The following MTO1 variants were observed in gnomAD, a reference collection of about 807,000 sequenced individuals.
MTO1 encodes the protein mitochondrial tRNA translation optimization 1, also known as 5-taurinomethyluridine-[tRNA] synthase subunit MTO1, mitochondrial.
In MTO1, 46 loss-of-function variants were observed where a neutral mutation model predicts 71.6. The observed-to-expected ratio is 0.64, with a 90% CI of 0.51 to 0.82. The LOEUF is 0.82. Ranked by LOEUF, MTO1 falls within the 40% of genes least tolerant of loss-of-function variation. MTO1 has a pLI of 0.00. For synonymous variants in MTO1, 297 were observed against 312.1 expected (o/e 0.95, Z 0.51); for missense variants, 773 against 867.5 (o/e 0.89, Z 1.37).
chr6:73,469,164 C>A (rs555868205), intron 3 of MTO1, among the ~76,000 whole-genome samples: 1 of 152,130 alleles, frequency 6.6e-6, no homozygotes, highest in South Asian at 2.1e-4. Context: ...ACTACCACAC[C>A]CAGCTTATTT....
intron 10 of MTO1, among the ~76,000 whole-genome samples, chr6:73,492,972 G>GTGTGTGTGTA (rs1771861259): frequency 1.1e-5 from 1 of 93,712 alleles, no homozygotes; most frequent in Non-Finnish European, 2.3e-5. Context: ...TAATATATGT[G>GTGTGTGTGTA]TGTGTGTGTG....
At position 73,503,556 on chromosome 6, in the gene MTO1, G is replaced by A. The variant is rs1429193704; in HGVS notation, c.*2821G>A. 1 of 152,242 alleles carries A rather than the reference G, an allele frequency of 6.6e-6. No individual in the cohort carries two copies. The highest frequency in any genetic ancestry group is 1.9e-4 in the East Asian group (1 of 5,204). 9.4% of individuals were successfully genotyped at this position (152,242 alleles called of 1,614,324 possible). A position where few individuals can be genotyped will look rare whatever the true frequency, so the allele number is the denominator to read the frequency against. On this transcript the variant is annotated 3_prime_UTR_variant, in exon 12 of 12. Coordinates refer to ENST00000498286, the MANE Select transcript of MTO1 (RefSeq NM_012123.4). ...CCCTAGGAAGAAATCAGCTAAAAATGTAACCTTACTCAATGTAGTTACTTC... is the reference window on the plus strand; with the variant it reads ...CCCTAGGAAGAAATCAGCTAAAAATATAACCTTACTCAATGTAGTTACTTC...
At chr6:73,494,112 A>G (rs969326403) in intron 10 of MTO1, among the ~76,000 whole-genome samples, 8 of 151,960 alleles carry the variant, frequency 5.3e-5, no homozygotes, top group Non-Finnish European at 1.2e-4. Context: ...GCAGGCACCT[A>G]TAATCCCAGC....
rs369859062 is a variant in MTO1, at chr6:73,482,445, C to G, written c.1466-4C>G. On this transcript the variant is annotated splice_region_variant and splice_polypyrimidine_tract_variant and intron_variant, in intron 8 of 11. Transcript: ENST00000498286. ...TCATTATATTCTCTTTCTCCCTTCC[C>G]TAGGGTATAAAGACGCTGGCTGTGT... The G allele has an allele frequency of 1.9e-6, 3 of 1,606,948 alleles. No individual in the cohort carries two copies. In the African/African-American group the frequency reaches 4.0e-5, roughly 22 times the overall value.
intron 9 of MTO1, among the ~76,000 whole-genome samples, chr6:73,483,535 AGTT>A (rs1488210048): frequency 3.3e-5 from 5 of 152,034 alleles, no homozygotes; most frequent in Admixed American, 3.3e-4. Flanking sequence ...AACCAAGAAA[AGTT>A]GTTATCTGCT....
rs759983774 is a variant in MTO1 at position 73,500,623 on chromosome 6, A to G, written c.1967A>G (p.Asn656Ser). ...GGAGTAACACCTGCCGCCATCATCA[A>G]TCTGCTGAGATTTGTGAAGACCACT... is the stretch of plus-strand genomic sequence containing the variant. ...IPGVTPAAII[N>S]LLRFVKTTQR... Residue 656 changes from asparagine to serine, a missense_variant, in exon 12 of 12, where the codon AAT (asparagine) becomes AGT (serine). By Grantham distance (46) the Asn-to-Ser change is conservative. Transcript: ENST00000498286. The G allele has an allele frequency of 1.2e-5, 20 of 1,613,944 alleles. No homozygotes were observed. Among genetic ancestry groups the G allele is most frequent in the African/African-American group, 5.3e-5 (4 of 74,936 alleles).
chr6:73,466,735 A>C, intron 3 of MTO1, 129 bp downstream of exon 3: 3 of 710,544 alleles, frequency 4.2e-6, no homozygotes, highest in Non-Finnish European at 2.4e-6. Flanking sequence ...TACCTGGATG[A>C]GGAAAACTAT....
chr6:73,478,911 C>T (rs1306933549), intron 4 of MTO1, among the ~76,000 whole-genome samples: 4 of 139,988 alleles, frequency 2.9e-5, no homozygotes, highest in Admixed American at 7.5e-5. Context: ...TTTTTTGAGA[C>T]GGAATCTCGC....
chr6:73,498,881 C>T (rs1221081035), intron 11 of MTO1, among the ~76,000 whole-genome samples: 2 of 152,058 alleles, frequency 1.3e-5, no homozygotes, highest in Non-Finnish European at 1.5e-5. Flanking sequence ...CATGCCACCA[C>T]ACTCAGCTAA....
At chr6:73,477,589 C>T (rs1020124264) in intron 4 of MTO1, among the ~76,000 whole-genome samples, 3 of 150,834 alleles carry the variant, frequency 2.0e-5, no homozygotes, top group African/African-American at 7.3e-5. Context: ...TCACTGTAAC[C>T]TCCGCCTCCC....
intron 3 of MTO1, among the ~76,000 whole-genome samples, chr6:73,469,576 C>T (rs1465922888): frequency 6.6e-6 from 1 of 151,704 alleles, no homozygotes; most frequent in Non-Finnish European, 1.5e-5. Flanking sequence ...GAGCCGAGAT[C>T]GTGCCACTGC....
intron 9 of MTO1, among the ~76,000 whole-genome samples, chr6:73,483,035 G>C (rs935743665): frequency 9.2e-5 from 14 of 151,708 alleles, no homozygotes; most frequent in Non-Finnish European, 2.1e-4. Context: ...CTCGTGATCC[G>C]CCCGCCTCGG....
intron 4 of MTO1, 135 bp from the exon 5 acceptor site, chr6:73,479,597 T>TTCA: frequency 1.7e-6 from 1 of 597,618 alleles, no homozygotes; most frequent in Non-Finnish European, 2.8e-6. Context: ...GCAAGAATAC[T>TTCA]TCATAAGTAA....
At chr6:73,493,102 C>G (rs1771868383) in intron 10 of MTO1, among the ~76,000 whole-genome samples, 1 of 148,844 alleles carries the variant, frequency 6.7e-6, no homozygotes, top group African/African-American at 2.5e-5. Flanking sequence ...TCAAGTGATT[C>G]TCCTGCCTCA....
intron 11 of MTO1, among the ~76,000 whole-genome samples, chr6:73,498,903 A>G (rs2150045543): frequency 6.6e-6 from 1 of 151,596 alleles, no homozygotes; most frequent in East Asian, 2.0e-4. Context: ...TTTTTTTTGT[A>G]CTTTTAGCAG....
At chr6:73,491,930 G>A (rs982596098) in intron 9 of MTO1, 5 of 225,710 alleles carry the variant, frequency 2.2e-5, no homozygotes, top group East Asian at 2.1e-4. Context: ...GTGAAACCCC[G>A]TCTCTACTAA....
At position 73,504,543 on chromosome 6, in the gene MTO1, T is replaced by C. The variant is rs1772237451; in HGVS notation, c.*3808T>C. 1 of 152,196 alleles carries C rather than the reference T, an allele frequency of 6.6e-6. No homozygotes were observed. The allele number at this position is 152,196 out of a possible 1,614,324, so 9.4% of individuals were successfully genotyped here. On this transcript the variant is annotated 3_prime_UTR_variant, in exon 12 of 12. Coordinates refer to ENST00000498286, the MANE Select transcript of MTO1 (RefSeq NM_012123.4). ...TTTTAAATAGATTAATGAATACTACTAAAGGCAAGAAATGGTATTACTAAA... is the reference window on the plus strand; with the variant it reads ...TTTTAAATAGATTAATGAATACTACCAAAGGCAAGAAATGGTATTACTAAA...
At position 73,462,823 on chromosome 6, in the gene MTO1, A is replaced by G. The variant is rs543257998; in HGVS notation, c.217+752A>G. 8.5e-5 allele frequency among the ~76,000 whole-genome samples: 13 copies of G among 152,154 alleles called. No individual in the cohort carries two copies. In the East Asian group the frequency reaches 1.9e-3, roughly 23 times the overall value. On this transcript the variant is annotated intron_variant, in intron 1 of 11. Transcript: ENST00000498286. ...ATTTTTTTAGAGACAGGGTCTCGCCATGTTGCCCAGGCTGGAGTGCAGTGA... is the reference window on the plus strand; with the variant it reads ...ATTTTTTTAGAGACAGGGTCTCGCCGTGTTGCCCAGGCTGGAGTGCAGTGA...
chr6:73,482,554 T>C lies in MTO1; in HGVS notation c.1571T>C (p.Leu524Ser), dbSNP rs754669584. The change falls in exon 9 of 12, where the codon TTG (leucine) becomes TCG (serine). Residue 524 changes from leucine (L) to serine (S), a missense_variant. Coordinates refer to ENST00000498286, the MANE Select transcript of MTO1 (RefSeq NM_012123.4). ...TCTGTGTTGAAATCTATTGAGTTTT[T>C]GAGCTCTAAATGGAAAAAATTAATC... ...GISVLKSIEF[L>S]SSKWKKLIPE... 6.2e-7 allele frequency: 1 copy of C among 1,612,382 alleles called. No homozygotes were observed. The highest frequency in any genetic ancestry group is 1.1e-5 in the South Asian group (1 of 91,008).
Sources: gnomAD v4.1 joint callset for allele counts (sites outside exome capture counted in the v4.1 genomes callset) on GRCh38, gnomAD v4.1.1 for gene constraint, MANE v1.5 for transcripts, NCBI Gene and HGNC (gene_info 2026-07-23, HGNC 2026-07-21) for gene names.